CD99L2: variants seen among roughly 807,000 people sequenced by gnomAD.
The protein encoded by CD99L2 is CD99 antigen-like protein 2.
Under a neutral mutation model 27.3 loss-of-function variants are expected in CD99L2, and 24 were observed. The observed-to-expected ratio is 0.88, with a 90% confidence interval of 0.64 to 1.24. The LOEUF (loss-of-function observed/expected upper bound fraction) is 1.24, where lower values mean the gene tolerates loss of function less well. Among genes scored for constraint, CD99L2 ranks in the 50% most tolerant of loss-of-function variants. CD99L2 has a pLI of 0.00. For synonymous variants in CD99L2, 97 were observed against 87.9 expected, an observed-to-expected ratio of 1.10 and a Z score of -0.58; for missense variants, 255 against 221.6, an observed-to-expected ratio of 1.15 and a Z score of -0.96.
Position 150,896,206 on chromosome X carries a change from T to G in CD99L2, c.67+2316A>C, listed in dbSNP as rs2047606660. On this transcript the variant is annotated intron_variant, in intron 1 of 10. Coordinates refer to ENST00000370377, the MANE Select transcript of CD99L2 (RefSeq NM_031462.4). ...CGAGGTCAGGAGTTCGAGACCAGCC[T>G]GGCCAACACAGTGAAACCCCATCTC... 2.7e-5 allele frequency among the ~76,000 whole-genome samples: 3 copies of G among 110,604 alleles called. No homozygotes were observed. The South Asian group carries it at 1.1e-3, about 42-fold the overall frequency.
intron 4 of CD99L2, among the ~76,000 whole-genome samples, chrX:150,810,716 T>C (rs187736734): frequency 8.9e-6 from 1 of 111,764 alleles, no homozygotes; most frequent in Non-Finnish European, 1.9e-5. Context: ...TTAGCAAGAC[T>C]GACAAAGAAA....
chrX:150,887,141 CA>C (rs58847466), intron 1 of CD99L2, among the ~76,000 whole-genome samples: 20,934 of 78,472 alleles, frequency 0.27, 1,938 homozygotes, highest in Middle Eastern at 0.4. Context: ...GAGACTCTGT[CA>C]AAAAAAAAAA....
chrX:150,879,925 CAAAAAAAAAAAAAA>C (rs782555339), intron 1 of CD99L2, among the ~76,000 whole-genome samples: 3 of 27,321 alleles, frequency 1.1e-4, no homozygotes, highest in African/African-American at 1.4e-4. Flanking sequence ...ACCCTGTCTC[CAAAAAAAAAAAAAA>C]AAAAAAAAAG....
At chrX:150,825,824 G>A (rs2046359276) in intron 2 of CD99L2, among the ~76,000 whole-genome samples, 1 of 112,122 alleles carries the variant, frequency 8.9e-6, no homozygotes, top group African/African-American at 3.2e-5. Flanking sequence ...AATGCTTCCA[G>A]CAATATGGCA....
At chrX:150,862,746 C>T (rs782417337) in intron 1 of CD99L2, among the ~76,000 whole-genome samples, 2 of 110,571 alleles carry the variant, frequency 1.8e-5, no homozygotes, top group Non-Finnish European at 3.8e-5. Flanking sequence ...ATAGCATGAA[C>T]ATTACATCCC....
intron 1 of CD99L2, among the ~76,000 whole-genome samples, chrX:150,880,685 G>A (rs1383457819): frequency 9.0e-6 from 1 of 111,698 alleles, no homozygotes; most frequent in Non-Finnish European, 1.9e-5. Context: ...CAGGTAAATC[G>A]TATGGTGTGT....
At chrX:150,831,117 T>C in intron 2 of CD99L2, 114 bp downstream of exon 2, 1 of 649,079 alleles carries the variant, frequency 1.5e-6, no homozygotes, top group East Asian at 3.4e-5. Flanking sequence ...GCACTATCCA[T>C]ATTTCATCTG....
intron 2 of CD99L2, among the ~76,000 whole-genome samples, chrX:150,830,949 T>C (rs1193806674): frequency 1.8e-5 from 2 of 109,766 alleles, no homozygotes; most frequent in African/African-American, 6.6e-5. Flanking sequence ...GCTGGTATTA[T>C]AGGCATGCAA....
intron 2 of CD99L2, among the ~76,000 whole-genome samples, chrX:150,826,515 T>C (rs1326726207): frequency 9.0e-6 from 1 of 111,583 alleles, no homozygotes; most frequent in African/African-American, 3.3e-5. Flanking sequence ...AATGATTCCA[T>C]TGATATGAAA....
rs2043339048 is a variant in CD99L2 at position 150,767,962 on chromosome X, T to TG, written c.*1071dup. 1 of 112,171 alleles carries TG rather than the reference T, an allele frequency of 8.9e-6. No individual in the cohort carries two copies. The highest frequency in any genetic ancestry group is 3.2e-5 in the African/African-American group (1 of 30,872). The allele number at this position is 112,171 out of a possible 1,213,427, so 9.2% of individuals were successfully genotyped here. A position where few individuals can be genotyped will look rare whatever the true frequency, so the allele number is the denominator to read the frequency against. On this transcript the variant is annotated 3_prime_UTR_variant, in exon 11 of 11. Coordinates refer to ENST00000370377, the MANE Select transcript of CD99L2 (RefSeq NM_031462.4). Reference sequence around the variant, plus strand: ...TGAGGGGCGAGTCATGGGGTTCCTGTGTTTGCCACGGTGAGCATGGCTCCC... The same window carrying TG: ...TGAGGGGCGAGTCATGGGGTTCCTGTGGTTTGCCACGGTGAGCATGGCTCCC...
At chrX:150,769,908 C>T (rs1557418958) in intron 10 of CD99L2, among the ~76,000 whole-genome samples, 1 of 113,033 alleles carries the variant, frequency 8.8e-6, no homozygotes, top group East Asian at 2.8e-4. Flanking sequence ...CTGGGTTTTA[C>T]CCAAGTTCCC....
chrX:150,894,031 TA>T (rs1557422974), intron 1 of CD99L2, among the ~76,000 whole-genome samples: 2 of 111,848 alleles, frequency 1.8e-5, no homozygotes, highest in Non-Finnish European at 3.8e-5. Context: ...TCAGCCTTTT[TA>T]AAGTGTACAA....
intron 1 of CD99L2, among the ~76,000 whole-genome samples, chrX:150,835,194 T>G (rs2046507602): frequency 8.9e-6 from 1 of 112,013 alleles, no homozygotes; most frequent in Non-Finnish European, 1.9e-5. Flanking sequence ...TGACCACAAT[T>G]AATAATAATG....
chrX:150,862,035 C>A (rs149906321), intron 1 of CD99L2, among the ~76,000 whole-genome samples: 2,833 of 111,460 alleles, frequency 0.025, 101 homozygotes, highest in African/African-American at 0.088. Flanking sequence ...CAGGAAGAAG[C>A]TGAATCCCAA....
intron 1 of CD99L2, among the ~76,000 whole-genome samples, chrX:150,866,486 A>G (rs1258749235): frequency 9.0e-6 from 1 of 111,553 alleles, no homozygotes; most frequent in African/African-American, 3.3e-5. Context: ...TAATCTCAAT[A>G]CTTTGGGAGG....
rs184602550 is a variant in CD99L2 at position 150,797,283 on chromosome X, A to G, written c.278-1797T>C. Among the ~76,000 whole-genome samples, 22 of 112,516 alleles carry G rather than the reference A, an allele frequency of 2.0e-4. No individual in the cohort carries two copies. The Admixed American group carries it at 2.1e-3, about 11-fold the overall frequency. ...TACTAACAAACATAAAAGTTAAAAA[A>G]GATGATATGCCAATAAAAGGACTGA... is the stretch of plus-strand genomic sequence containing the variant. On this transcript the variant is annotated intron_variant, in intron 4 of 10. Coordinates refer to ENST00000370377, the MANE Select transcript of CD99L2 (RefSeq NM_031462.4).
chrX:150,878,125 G>A lies in CD99L2; in HGVS notation c.67+20397C>T, dbSNP rs1321780444. Among the ~76,000 whole-genome samples the A allele has an allele frequency of 5.4e-5, 6 of 110,441 alleles. No individual in the cohort carries two copies. In the East Asian group the frequency reaches 1.7e-3, roughly 32 times the overall value. On this transcript the variant is annotated intron_variant, in intron 1 of 10. Coordinates refer to ENST00000370377, the MANE Select transcript of CD99L2 (RefSeq NM_031462.4). ...GGCTGAGGCAGGCAGATCACCTGAG[G>A]TCAAGAGTTCAAGACCAGCCTGGCC...
chrX:150,780,799 T>C (rs1414552572), intron 7 of CD99L2, among the ~76,000 whole-genome samples: 1 of 112,382 alleles, frequency 8.9e-6, no homozygotes, highest in Non-Finnish European at 1.9e-5. Context: ...GAAATGCATA[T>C]TTAAACAGGA....
intron 1 of CD99L2, among the ~76,000 whole-genome samples, chrX:150,890,348 A>G (rs149856949): frequency 0.23 from 23,371 of 100,875 alleles, 1,952 homozygotes; most frequent in Middle Eastern, 0.38. Flanking sequence ...GCGAGGTGGC[A>G]GGCGCCTGTA....
Sources: gnomAD v4.1 joint callset for allele counts (sites outside exome capture counted in the v4.1 genomes callset) on GRCh38, gnomAD v4.1.1 for gene constraint, MANE v1.5 for transcripts, NCBI Gene and HGNC (gene_info 2026-07-23, HGNC 2026-07-21) for gene names.